Variants in PEX6 observed in about 807,000 individuals in gnomAD.
PEX6 encodes the protein peroxisomal biogenesis factor 6, also known as peroxisome biogenesis factor 6.
A neutral mutation model predicts 85.6 loss-of-function variants in PEX6; 55 were observed. The observed-to-expected ratio is 0.64, with a 90% CI of 0.52 to 0.80. The LOEUF (loss-of-function observed/expected upper bound fraction) is 0.80, where lower values mean the gene tolerates loss of function less well. Among genes scored for constraint, PEX6 ranks in the 30% least tolerant of loss-of-function variants. The pLI, the probability that PEX6 is intolerant of heterozygous loss-of-function variation, is 0.00. For missense variants in PEX6, 1,099 were observed against 1,260.3 expected, an observed-to-expected ratio of 0.87 and a Z score of 1.94; for synonymous variants, 519 against 549.1, an observed-to-expected ratio of 0.95 and a Z score of 0.77.
chr6:42,965,028 C>G lies in PEX6; in HGVS notation c.2666+47G>C, dbSNP rs1233082612. On this transcript the variant is annotated intron_variant, in intron 15 of 16. Coordinates refer to ENST00000304611, the MANE Select transcript of PEX6 (RefSeq NM_000287.4). This position sits in a 1 kb window ranked among gnomAD's most constrained non-coding sequence, Gnocchi z 5.0. ...CTGCATGTTGCATGCATCCCCTAAGCATCCCAAGGCCCAAGCCCTTCGCAG... is the reference window on the plus strand; with the variant it reads ...CTGCATGTTGCATGCATCCCCTAAGGATCCCAAGGCCCAAGCCCTTCGCAG... 1.2e-6 allele frequency: 2 copies of G among 1,611,936 alleles called. No homozygotes were observed. Among genetic ancestry groups the G allele is most frequent in the African/African-American group, 1.3e-5 (1 of 75,034 alleles).
chr6:42,967,273 T>G, intron 8 of PEX6, 95 bp downstream of exon 8: 1 of 1,300,062 alleles, frequency 7.7e-7, no homozygotes, highest in Non-Finnish European at 1.1e-6. Context: ...CCGCGCTGGG[T>G]TTTCTACTCT....
At chr6:42,974,165 C>A (rs1770172242) in intron 2 of PEX6, 79 bp from the exon 3 acceptor site, 1 of 1,059,410 alleles carries the variant, frequency 9.4e-7, no homozygotes, top group East Asian at 2.4e-5. Flanking sequence ...CCACCCCCGA[C>A]ATGCAGACTA....
At position 42,964,499 on chromosome 6, in the gene PEX6, G is replaced by A. The variant is rs769798066; in HGVS notation, c.2807-28C>T. The A allele has an allele frequency of 5.0e-6, 8 of 1,612,248 alleles. 1 individual carries two copies. The highest frequency in any genetic ancestry group is 5.1e-6 in the Non-Finnish European group (6 of 1,179,774). On this transcript the variant is annotated intron_variant, in intron 16 of 16. Coordinates refer to ENST00000304611, the MANE Select transcript of PEX6 (RefSeq NM_000287.4). The surrounding 1 kb of genome is among the most constrained non-coding windows in gnomAD (Gnocchi z 4.6). Reference sequence around the variant, plus strand: ...GGAGATGACAAGGTGGGGAGGCTGTGGTCTATGCCCAGGCAGGGGAGAGCC... The same window carrying A: ...GGAGATGACAAGGTGGGGAGGCTGTAGTCTATGCCCAGGCAGGGGAGAGCC...
intron 1 of PEX6, among the ~76,000 whole-genome samples, chr6:42,978,017 AT>A (rs1156943363): frequency 6.6e-6 from 1 of 151,228 alleles, no homozygotes; most frequent in African/African-American, 2.4e-5. Flanking sequence ...CTAATTTTAC[AT>A]TTTTTTAGTA....
In PEX6 at chr6:42,974,435, C is replaced by G. The variant is rs144035871; in HGVS notation, c.1047-349G>C. ...CCAAGAGGCGCCTACCACAATCTGT[C>G]TGAAATGTTTTTTTTGTTTTTTTTT... On this transcript the variant is annotated intron_variant, in intron 2 of 16. Coordinates refer to ENST00000304611, the MANE Select transcript of PEX6 (RefSeq NM_000287.4). Among the ~76,000 whole-genome samples, 13 of 141,944 alleles carry G rather than the reference C, an allele frequency of 9.2e-5. No individual in the cohort carries two copies. In the Admixed American group the frequency reaches 9.4e-4, roughly 10 times the overall value. 93.1% of individuals were successfully genotyped at this position (141,944 alleles called of 152,430 possible). A position where few individuals can be genotyped will look rare whatever the true frequency, so the allele number is the denominator to read the frequency against.
Position 42,975,051 on chromosome 6 carries a change from T to C in PEX6, c.883-13A>G. ...CTTCCAAGTACCTCTATTAGAGAAA[T>C]AACCACCACGTTATAACCTTCTCCT... On this transcript the variant is annotated splice_polypyrimidine_tract_variant and intron_variant, in intron 1 of 16. Transcript: ENST00000304611. 2 of 1,608,686 alleles carry C rather than the reference T, an allele frequency of 1.2e-6. No individual in the cohort carries two copies. The highest frequency in any genetic ancestry group is 1.1e-5 in the South Asian group (1 of 90,918).
rs376663519 is a variant in PEX6, at chr6:42,965,837, G to A, written c.2363-48C>T. 4.6e-5 allele frequency: 71 copies of A among 1,537,820 alleles called. No homozygotes were observed. In the African/African-American group the frequency reaches 8.3e-4, roughly 18 times the overall value. On this transcript the variant is annotated intron_variant, in intron 12 of 16. Transcript: ENST00000304611. This position sits in a 1 kb window ranked among gnomAD's most constrained non-coding sequence, Gnocchi z 5.0. ...AGGAGGGCAAAGCTCGGCTTGTGGG[G>A]GGTTGAAGTTAGGTGAGAGCAGGGA...
At chr6:42,975,620 A>G (rs971648225) in intron 1 of PEX6, among the ~76,000 whole-genome samples, 1 of 152,208 alleles carries the variant, frequency 6.6e-6, no homozygotes, top group African/African-American at 2.4e-5. Flanking sequence ...GGAATAGTCT[A>G]TATCTGCATG....
intron 7 of PEX6, among the ~76,000 whole-genome samples, chr6:42,967,787 A>G (rs907795632): frequency 2.0e-5 from 3 of 152,156 alleles, no homozygotes; most frequent in Middle Eastern, 6.8e-3. Context: ...AAGAAATGCT[A>G]GACCACAGAC....
Position 42,964,055 on chromosome 6 carries a change from A to G in PEX6, c.*280T>C. 1 of 576,676 alleles carries G rather than the reference A, an allele frequency of 1.7e-6. No homozygotes were observed. Among genetic ancestry groups the G allele is most frequent in the Admixed American group, 3.0e-5 (1 of 33,080 alleles). The allele number at this position is 576,676 out of a possible 1,614,324, so 35.7% of individuals were successfully genotyped here. On this transcript the variant is annotated 3_prime_UTR_variant, in exon 17 of 17. Transcript: ENST00000304611. The surrounding 1 kb of genome is among the most constrained non-coding windows in gnomAD (Gnocchi z 4.6). ...TTTCAGCCACAGAACTAGCCCTCTC[A>G]GGGCCCAATCCCCAGAACCCAAGGC...
chr6:42,968,709 G>C (rs146905748), intron 6 of PEX6, among the ~76,000 whole-genome samples, 165 bp downstream of exon 6: 16 of 152,300 alleles, frequency 1.1e-4, no homozygotes, highest in Admixed American at 1.0e-3. Flanking sequence ...CTCCTTGAAA[G>C]TACCTCTCCA....
At chr6:42,972,477 A>G (rs1434714456) in intron 3 of PEX6, among the ~76,000 whole-genome samples, 2 of 152,190 alleles carry the variant, frequency 1.3e-5, no homozygotes, top group African/African-American at 4.8e-5. Flanking sequence ...CTCAAAAACA[A>G]TAGAAATCCC....
In PEX6 at chr6:42,965,085, T is replaced by C; in HGVS notation, c.2656A>G (p.Ile886Val). The C allele has an allele frequency of 6.2e-7, 1 of 1,614,202 alleles. No homozygotes were observed. The highest frequency in any genetic ancestry group is 8.5e-7 in the Non-Finnish European group (1 of 1,180,002). Reference sequence around the variant, plus strand: ...TCTAACAGAGCATACTTGCGTGTGATGGCACTTAGAACGCGTAGCTGGGAG... The same window carrying C: ...TCTAACAGAGCATACTTGCGTGTGACGGCACTTAGAACGCGTAGCTGGGAG... The part of the protein sequence containing the change: ...RASQLRVLSA[I>V]TRKFKLEPSV... Residue 886 changes from isoleucine to valine, a missense_variant, in exon 15 of 17, where the codon ATC (isoleucine) becomes GTC (valine). By Grantham distance (29) the Ile-to-Val change is conservative. Transcript: ENST00000304611. The surrounding 1 kb of genome is among the most constrained non-coding windows in gnomAD (Gnocchi z 5.0).
At position 42,978,754 on chromosome 6, in the gene PEX6, C is replaced by CT. The variant is rs1770425539; in HGVS notation, c.396dup (p.Val133SerfsTer27). 1 of 1,534,992 alleles carries CT rather than the reference C, an allele frequency of 6.5e-7. No individual in the cohort carries two copies. Among genetic ancestry groups the CT allele is most frequent in the Non-Finnish European group, 8.7e-7 (1 of 1,146,636 alleles). ...GTCTCCAGCACCCGCGGTCCGGGCA[C>CT]TGGGAGGGTCTCTCCGCGCCTCACC... On this transcript the variant is annotated frameshift_variant, in exon 1 of 17. Transcript: ENST00000304611. LOFTEE classifies it high-confidence loss of function.
Position 42,965,997 on chromosome 6 carries a change from C to A in PEX6, c.2362+47G>T. The A allele has an allele frequency of 6.3e-7, 1 of 1,596,662 alleles. No individual in the cohort carries two copies. On this transcript the variant is annotated intron_variant, in intron 12 of 16. Coordinates refer to ENST00000304611, the MANE Select transcript of PEX6 (RefSeq NM_000287.4). This position sits in a 1 kb window ranked among gnomAD's most constrained non-coding sequence, Gnocchi z 5.0. ...GAGTAGGGGGTGGCTTGGGGGCCAT[C>A]GGGGTTTGGGAAGCATGGGACGCCC...
Position 42,964,963 on chromosome 6 carries a change from A to G in PEX6, c.2667-34T>C, listed in dbSNP as rs1014188236. 13 of 1,614,010 alleles carry G rather than the reference A, an allele frequency of 8.1e-6. No individual in the cohort carries two copies. The East Asian group carries it at 2.7e-4, about 33-fold the overall frequency. ...GGATACAGGAAGAAACAGAGTTGGC[A>G]TCACCTCCTCCCTCGAAAGCCAGTG... On this transcript the variant is annotated intron_variant, in intron 15 of 16. Coordinates refer to ENST00000304611, the MANE Select transcript of PEX6 (RefSeq NM_000287.4). This position sits in a 1 kb window ranked among gnomAD's most constrained non-coding sequence, Gnocchi z 4.6.
chr6:42,974,018 G>C lies in PEX6; in HGVS notation c.1115C>G (p.Pro372Arg). The change falls in exon 3 of 17, where the codon CCA (proline) becomes CGA (arginine). Residue 372 changes from proline to arginine, a missense_variant. Physicochemically the swap from Pro to Arg is moderately radical, Grantham distance 103. Coordinates refer to ENST00000304611, the MANE Select transcript of PEX6 (RefSeq NM_000287.4). ...IGQVEILEGS[P>R]EKLPRWREMF... The stretch of plus-strand genomic sequence containing the variant: ...AGCTGCATACCTGGGCAGTTTCTCT[G>C]GACTTCCTTCCAGGATCTCTACTTG... The C allele has an allele frequency of 6.2e-7, 1 of 1,613,692 alleles. No homozygotes were observed. The highest frequency in any genetic ancestry group is 8.5e-7 in the Non-Finnish European group (1 of 1,179,606).
At position 42,971,712 on chromosome 6, in the gene PEX6, T is replaced by C. The variant is rs551483506; in HGVS notation, c.1131-1725A>G. The stretch of plus-strand genomic sequence containing the variant: ...GCCACTTACTCCAACCCTGCTTTCC[T>C]TGCGGGGAAAAGAACTATGTGCTCG... On this transcript the variant is annotated intron_variant, in intron 3 of 16. Coordinates refer to ENST00000304611, the MANE Select transcript of PEX6 (RefSeq NM_000287.4). This position sits in a 1 kb window ranked among gnomAD's most constrained non-coding sequence, Gnocchi z 4.4. Among the ~76,000 whole-genome samples the C allele has an allele frequency of 2.0e-5, 3 of 152,378 alleles. No individual in the cohort carries two copies. The South Asian group carries it at 6.2e-4, about 32-fold the overall frequency.
intron 1 of PEX6, among the ~76,000 whole-genome samples, chr6:42,976,365 A>AT (rs1770300392): frequency 6.6e-6 from 1 of 151,288 alleles, no homozygotes; most frequent in South Asian, 2.1e-4. Context: ...CACAACTTTC[A>AT]TTTTTTTCTT....
Sources: allele counts gnomAD v4.1 joint callset (sites outside exome capture counted in the v4.1 genomes callset), GRCh38; gene constraint gnomAD v4.1.1; non-coding constraint Gnocchi (gnomAD v3.1); transcripts MANE v1.5; gene names NCBI Gene and HGNC (gene_info 2026-07-23, HGNC 2026-07-21).